Variants in INPP4A observed in about 807,000 individuals in gnomAD.
The protein encoded by INPP4A is inositol polyphosphate-4-phosphatase type I A, also known as inositol polyphosphate-4-phosphatase, type I, 107kD.
In INPP4A, 33 loss-of-function variants were observed where a neutral mutation model predicts 119.8. That is an observed-to-expected ratio of 0.28 (90% CI 0.21 to 0.37). The LOEUF is 0.37. INPP4A is among the 10% of genes least tolerant of loss of function. The pLI, the probability that INPP4A is intolerant of heterozygous loss-of-function variation, is 1.00. For missense variants in INPP4A, 956 were observed against 1,289.9 expected (o/e 0.74, Z 3.97); for synonymous variants, 496 against 500.7 (o/e 0.99, Z 0.12).
At chr2:98,456,010 G>A (rs560137390) in intron 1 of INPP4A, among the ~76,000 whole-genome samples, 4 of 152,250 alleles carry the variant, frequency 2.6e-5, no homozygotes, top group East Asian at 3.9e-4. Flanking sequence ...CAGTCCCCCA[G>A]TACAACTACA....
At chr2:98,563,424 ATCTC>A (rs373494811) in intron 17 of INPP4A, 37 bp from the exon 18 acceptor site, 1 of 1,573,186 alleles carries the variant, frequency 6.4e-7, no homozygotes, top group Non-Finnish European at 8.7e-7. Flanking sequence ...AATTCTTAAA[ATCTC>A]TCTCTCATTG....
intron 1 of INPP4A, among the ~76,000 whole-genome samples, chr2:98,457,899 C>T (rs949888914): frequency 2.6e-5 from 4 of 151,908 alleles, no homozygotes; most frequent in Non-Finnish European, 4.4e-5. Context: ...CTCTAGGGCT[C>T]AAGCAGTTCT....
At position 98,554,345 on chromosome 2, in the gene INPP4A, T is replaced by C. The variant is rs1195258952; in HGVS notation, c.1422T>C (p.Pro474=). ...NSIHGLNAAR[P]DYIASKASPT... ...TCCATGGGCTGAACGCTGCACGGCC[T>C]GACTACATTGCCTCCAAGGCCTCTC... Residue 474 remains proline (P), a synonymous_variant, in exon 15 of 25, where the codon CCT becomes CCC. Transcript: ENST00000409851. This position sits in a 1 kb window ranked among gnomAD's most constrained non-coding sequence, Gnocchi z 4.7. The C allele has an allele frequency of 1.2e-6, 2 of 1,613,288 alleles. No homozygotes were observed. Among genetic ancestry groups the C allele is most frequent in the Non-Finnish European group, 1.7e-6 (2 of 1,179,744 alleles).
chr2:98,563,797 A>G (rs938796190), intron 18 of INPP4A, among the ~76,000 whole-genome samples, 160 bp downstream of exon 18: 4 of 152,044 alleles, frequency 2.6e-5, no homozygotes, highest in African/African-American at 9.7e-5. Flanking sequence ...AGAGGTCTAC[A>G]TTTCAACACA....
intron 1 of INPP4A, among the ~76,000 whole-genome samples, chr2:98,501,449 C>T (rs1001892543): frequency 6.6e-6 from 1 of 152,188 alleles, no homozygotes; most frequent in Non-Finnish European, 1.5e-5. Flanking sequence ...TCCATGCTAG[C>T]TTCGGGAGGT....
chr2:98,500,963 A>T (rs1683000814), intron 1 of INPP4A, among the ~76,000 whole-genome samples: 1 of 152,226 alleles, frequency 6.6e-6, no homozygotes, highest in Non-Finnish European at 1.5e-5. Context: ...TTTTATATAT[A>T]CTTAAATACT....
chr2:98,451,859 C>G (rs924661791), intron 1 of INPP4A, among the ~76,000 whole-genome samples: 1 of 152,182 alleles, frequency 6.6e-6, no homozygotes, highest in Non-Finnish European at 1.5e-5. Flanking sequence ...CAGGGCTCTA[C>G]TAGGAAACAA....
In INPP4A at chr2:98,570,064, G is replaced by A. The variant is rs1243993349; in HGVS notation, c.2518+1396G>A. ...GAGGTGAGGGCTGTGTCTGCTGGGAGAGCTGACAGACCTGGCTCTGGGCAA... is the reference window on the plus strand; with the variant it reads ...GAGGTGAGGGCTGTGTCTGCTGGGAAAGCTGACAGACCTGGCTCTGGGCAA... On this transcript the variant is annotated intron_variant, in intron 22 of 24. Coordinates refer to ENST00000409851, the MANE Select transcript of INPP4A (RefSeq NM_001134225.2). The surrounding 1 kb of genome is among the most constrained non-coding windows in gnomAD (Gnocchi z 4.3). Among the ~76,000 whole-genome samples the A allele has an allele frequency of 6.6e-6, 1 of 152,134 alleles. No individual in the cohort carries two copies. The highest frequency in any genetic ancestry group is 2.4e-5 in the African/African-American group (1 of 41,434).
intron 5 of INPP4A, 125 bp from the exon 6 acceptor site, chr2:98,535,604 C>A: frequency 1.6e-6 from 1 of 618,270 alleles, no homozygotes; most frequent in Non-Finnish European, 2.9e-6. Context: ...CCGCCTTTAG[C>A]ATTTGTGTTG....
Position 98,519,026 on chromosome 2 carries a change from G to A in INPP4A, c.-104+1G>A. ...CATGGTCCGAGAGCAAACATGTCCA[G>A]TAAGTTGTTTGGTGAATTAACCCAA... On this transcript the variant is annotated splice_donor_variant, in intron 2 of 24. Coordinates refer to ENST00000409851, the MANE Select transcript of INPP4A (RefSeq NM_001134225.2). LOFTEE classifies it low-confidence loss of function (5UTR_SPLICE). 1 of 152,242 alleles carries A rather than the reference G, an allele frequency of 6.6e-6. No individual in the cohort carries two copies. The highest frequency in any genetic ancestry group is 2.4e-5 in the African/African-American group (1 of 41,466). 9.4% of individuals were successfully genotyped at this position (152,242 alleles called of 1,614,324 possible).
rs1415637149 is a variant in INPP4A at position 98,564,807 on chromosome 2, G to A, written c.2152+44G>A. ...GATCGGGAGCCCCACTTGCGTGTGT[G>A]GTTTCCATCCTTTCTTGCTAGGCAC... On this transcript the variant is annotated intron_variant, in intron 19 of 24. Coordinates refer to ENST00000409851, the MANE Select transcript of INPP4A (RefSeq NM_001134225.2). The A allele has an allele frequency of 2.0e-6, 3 of 1,527,454 alleles. No individual in the cohort carries two copies. In the Admixed American group the frequency reaches 6.2e-5, roughly 32 times the overall value. The allele number at this position is 1,527,454 out of a possible 1,614,324, so 94.6% of individuals were successfully genotyped here.
intron 1 of INPP4A, among the ~76,000 whole-genome samples, chr2:98,507,872 C>G (rs943981473): frequency 1.3e-5 from 2 of 152,172 alleles, no homozygotes; most frequent in Non-Finnish European, 2.9e-5. Flanking sequence ...AGCTCACCCC[C>G]CTGCACAGCG....
At chr2:98,467,140 G>A (rs62156355) in intron 1 of INPP4A, among the ~76,000 whole-genome samples, 1 of 152,136 alleles carries the variant, frequency 6.6e-6, no homozygotes, top group Non-Finnish European at 1.5e-5. Flanking sequence ...GCGGGTGGTG[G>A]TGGTGGTGTC....
intron 8 of INPP4A, among the ~76,000 whole-genome samples, chr2:98,538,451 A>C (rs1690741521): frequency 6.6e-6 from 1 of 152,066 alleles, no homozygotes; most frequent in Non-Finnish European, 1.5e-5. Flanking sequence ...ACCCTCCTGC[A>C]CCCACTGTCA....
chr2:98,568,727 G>A (rs1020100106), intron 22 of INPP4A, 59 bp downstream of exon 22: 4 of 942,940 alleles, frequency 4.2e-6, no homozygotes, highest in African/African-American at 1.6e-5. Flanking sequence ...CAGTTTAGAT[G>A]TCTGAGCTCT....
intron 1 of INPP4A, among the ~76,000 whole-genome samples, chr2:98,451,905 G>A (rs76491785): frequency 0.015 from 2,352 of 152,220 alleles, 69 homozygotes; most frequent in African/African-American, 0.054. Context: ...GGATTATGGG[G>A]TGTGTCAGTT....
chr2:98,502,297 G>A (rs1271695564), intron 1 of INPP4A, among the ~76,000 whole-genome samples: 1 of 120,828 alleles, frequency 8.3e-6, no homozygotes, highest in Non-Finnish European at 1.8e-5. Context: ...GGTGGTAAGT[G>A]GGGGCTTGAG....
intron 24 of INPP4A, among the ~76,000 whole-genome samples, chr2:98,578,078 G>A (rs778196714): frequency 2.0e-5 from 3 of 152,172 alleles, no homozygotes; most frequent in Non-Finnish European, 2.9e-5. Flanking sequence ...AAATGGAATC[G>A]TTTTGTCCCG....
At position 98,546,623 on chromosome 2, in the gene INPP4A, A is replaced by G. The variant is rs749851074; in HGVS notation, c.1092A>G (p.Ala364=). The part of the protein sequence containing the change: ...NYDIVTIGAP[A]AHCQGFKSGG... Reference sequence around the variant, plus strand: ...ACATCGTCACCATTGGGGCGCCAGCAGCACACTGCCAAGGTTTTAAGTCAG... The same window carrying G: ...ACATCGTCACCATTGGGGCGCCAGCGGCACACTGCCAAGGTTTTAAGTCAG... The change falls in exon 13 of 25, where the codon GCA becomes GCG. Residue 364 remains alanine, a synonymous_variant. Transcript: ENST00000409851. The surrounding 1 kb of genome is among the most constrained non-coding windows in gnomAD (Gnocchi z 4.2). 2.5e-6 allele frequency: 4 copies of G among 1,614,004 alleles called. No homozygotes were observed. In the South Asian group the frequency reaches 4.4e-5, roughly 18 times the overall value.
Sources: gnomAD v4.1 joint callset for allele counts (sites outside exome capture counted in the v4.1 genomes callset) on GRCh38, gnomAD v4.1.1 for gene constraint, Gnocchi (gnomAD v3.1) non-coding constraint, MANE v1.5 for transcripts, NCBI Gene and HGNC (gene_info 2026-07-23, HGNC 2026-07-21) for gene names.